GSTK1: variants seen among roughly 807,000 people sequenced by gnomAD.
GSTK1 encodes GST class-kappa.
A neutral mutation model predicts 30.9 loss-of-function variants in GSTK1; 25 were observed. The observed-to-expected ratio is 0.81, with a 90% CI of 0.59 to 1.13. GSTK1 has a LOEUF of 1.13. Among genes scored for constraint, GSTK1 ranks in the 50% most tolerant of loss-of-function variants. The probability of loss-of-function intolerance (pLI) is 0.00; values close to 1 mark genes in which losing one functional copy is unlikely to be tolerated. For missense variants in GSTK1, 292 were observed against 292.4 expected, an observed-to-expected ratio of 1.00 and a Z score of 0.01; for synonymous variants, 108 against 112.5, an observed-to-expected ratio of 0.96 and a Z score of 0.25.
intron 5 of GSTK1, among the ~76,000 whole-genome samples, chr7:143,266,483 C>G (rs2116700026): frequency 6.6e-6 from 1 of 152,042 alleles, no homozygotes; most frequent in Non-Finnish European, 1.5e-5. Context: ...AAGATAGTGT[C>G]TCATTAGGAC....
At position 143,268,103 on chromosome 7, in the gene GSTK1, C is replaced by T; in HGVS notation, c.550C>T (p.Pro184Ser). ...AACRYGAFGLPITVAHVDGQT... is the reference protein window; with the variant it reads ...AACRYGAFGLSITVAHVDGQT... ...CTGCTTTCTCCAGGCCTTTGGGCTG[C>T]CCATCACCGTGGCCCATGTGGATGG... The change falls in exon 7 of 8, where the codon CCC becomes TCC. Residue 184 changes from proline (P) to serine (S), a missense_variant. Physicochemically the swap from Pro to Ser is moderately conservative, Grantham distance 74. Coordinates refer to ENST00000358406, the MANE Select transcript of GSTK1 (RefSeq NM_015917.3). This position sits in a 1 kb window ranked among gnomAD's most constrained non-coding sequence, Gnocchi z 4.1. 1.2e-6 allele frequency: 2 copies of T among 1,613,650 alleles called. No homozygotes were observed. Among genetic ancestry groups the T allele is most frequent in the Non-Finnish European group, 1.7e-6 (2 of 1,179,714 alleles).
rs370324443 is a variant in GSTK1 at position 143,268,782 on chromosome 7, A to C, written c.632-6A>C. The stretch of plus-strand genomic sequence containing the variant: ...GTGTGCAGAGTCTGTTGTTTTCTTC[A>C]TCCAGGAGAGAAGTGGATGGGCCCT... On this transcript the variant is annotated splice_region_variant and splice_polypyrimidine_tract_variant and intron_variant, in intron 7 of 7. Transcript: ENST00000358406. The surrounding 1 kb of genome is among the most constrained non-coding windows in gnomAD (Gnocchi z 4.1). 13 of 1,613,750 alleles carry C rather than the reference A, an allele frequency of 8.1e-6. No homozygotes were observed. In the African/African-American group the frequency reaches 1.2e-4, roughly 15 times the overall value.
At chr7:143,266,971 G>A (rs1182726242) in intron 5 of GSTK1, among the ~76,000 whole-genome samples, 1 of 151,954 alleles carries the variant, frequency 6.6e-6, no homozygotes, top group African/African-American at 2.4e-5. Context: ...TAGTTCTAAG[G>A]GATGACCTCA....
At position 143,264,573 on chromosome 7, in the gene GSTK1, C is replaced by T; in HGVS notation, c.180C>T (p.Pro60=). ...DSGNKPPGLL[P]RKGLYMANDL... The stretch of plus-strand genomic sequence containing the variant: ...GAAACAAGCCTCCAGGTCTGCTTCC[C>T]CGCAAAGGACTATACATGGCAAATG... Residue 60 remains proline, a synonymous_variant, in exon 3 of 8, where the codon CCC becomes CCT. Transcript: ENST00000358406. The T allele has an allele frequency of 6.2e-7, 1 of 1,614,022 alleles. No individual in the cohort carries two copies. Among genetic ancestry groups the T allele is most frequent in the South Asian group, 1.1e-5 (1 of 91,080 alleles).
intron 3 of GSTK1, 104 bp from the exon 4 acceptor site, chr7:143,264,888 T>C (rs1800827053): frequency 1.5e-6 from 2 of 1,349,212 alleles, no homozygotes; most frequent in African/African-American, 1.4e-5. Context: ...GGTGAGAGGC[T>C]GAGGGCGGAG....
Position 143,268,796 on chromosome 7 carries a change from T to A in GSTK1, c.640T>A (p.Trp214Arg). ...TTGTTTTCTTCATCCAGGAGAGAAGTGGATGGGCCCTATACCTCCAGCCGT... is the reference window on the plus strand; with the variant it reads ...TTGTTTTCTTCATCCAGGAGAGAAGAGGATGGGCCCTATACCTCCAGCCGT... ...ELLAHLLGEK[W>R]MGPIPPAVNA... Residue 214 changes from tryptophan (W) to arginine (R), a missense_variant, in exon 8 of 8, where the codon TGG (tryptophan) becomes AGG (arginine). By Grantham distance (101) the Trp-to-Arg change is moderately radical. Transcript: ENST00000358406. The surrounding 1 kb of genome is among the most constrained non-coding windows in gnomAD (Gnocchi z 4.1). The A allele has an allele frequency of 1.2e-6, 2 of 1,613,910 alleles. No individual in the cohort carries two copies. Among genetic ancestry groups the A allele is most frequent in the South Asian group, 2.2e-5 (2 of 91,074 alleles).
Position 143,264,855 on chromosome 7 carries a change from G to A in GSTK1, c.284-137G>A, listed in dbSNP as rs906533597. On this transcript the variant is annotated intron_variant, in intron 3 of 7. Coordinates refer to ENST00000358406, the MANE Select transcript of GSTK1 (RefSeq NM_015917.3). The stretch of plus-strand genomic sequence containing the variant: ...CGGGCATGAAAGGGAAGAAGAGCAG[G>A]CAAATAGGTCATGGGAACCTTGGGT... The A allele has an allele frequency of 1.6e-5, 20 of 1,244,260 alleles. No individual in the cohort carries two copies. The South Asian group carries it at 1.9e-4, about 12-fold the overall frequency. 77.1% of individuals were successfully genotyped at this position (1,244,260 alleles called of 1,614,324 possible). A position where few individuals can be genotyped will look rare whatever the true frequency, so the allele number is the denominator to read the frequency against.
Position 143,265,256 on chromosome 7 carries a change from C to T in GSTK1, c.385-5C>T. On this transcript the variant is annotated splice_polypyrimidine_tract_variant and splice_region_variant and intron_variant, in intron 4 of 7. Coordinates refer to ENST00000358406, the MANE Select transcript of GSTK1 (RefSeq NM_015917.3). The stretch of plus-strand genomic sequence containing the variant: ...CGCCTTCCTGCTGTCTTCTCTTCTT[C>T]CCAGAATGAAGACATCACCGAGCCG... 3.7e-6 allele frequency: 6 copies of T among 1,605,566 alleles called. No individual in the cohort carries two copies. Among genetic ancestry groups the T allele is most frequent in the Non-Finnish European group, 5.1e-6 (6 of 1,176,176 alleles).
chr7:143,264,281 T>A, intron 2 of GSTK1, 114 bp downstream of exon 2: 1 of 966,704 alleles, frequency 1.0e-6, no homozygotes, highest in Non-Finnish European at 1.6e-6. Flanking sequence ...CCGTCTCTAC[T>A]AAAAATACAA....
At chr7:143,266,283 C>T (rs1453564347) in intron 5 of GSTK1, among the ~76,000 whole-genome samples, 6 of 151,928 alleles carry the variant, frequency 3.9e-5, no homozygotes, top group Non-Finnish European at 7.4e-5. Flanking sequence ...TGTCTGCCTC[C>T]ACCTCCCAAA....
chr7:143,263,764 C>G (rs1800784039), intron 1 of GSTK1, 179 bp downstream of exon 1: 2 of 625,530 alleles, frequency 3.2e-6, no homozygotes, highest in East Asian at 5.5e-5. Flanking sequence ...AATAGAGTCG[C>G]TGGCTCCAAC....
intron 5 of GSTK1, 60 bp downstream of exon 5, chr7:143,265,356 T>C (rs1210995427): frequency 6.3e-6 from 9 of 1,431,988 alleles, no homozygotes. Context: ...AGTTGGCGTT[T>C]GGGGGTAAAG....
chr7:143,265,318 C>A, intron 5 of GSTK1, 22 bp downstream of exon 5: 1 of 1,577,912 alleles, frequency 6.3e-7, no homozygotes, highest in East Asian at 2.3e-5. Context: ...GGCTCCACCC[C>A]AACTGCACTC....
intron 2 of GSTK1, 62 bp downstream of exon 2, chr7:143,264,229 G>A: frequency 1.4e-6 from 2 of 1,414,328 alleles, no homozygotes; most frequent in Non-Finnish European, 2.0e-6. Context: ...ACCCCAGCGG[G>A]TCCTTATATT....
intron 5 of GSTK1, among the ~76,000 whole-genome samples, chr7:143,266,208 T>C (rs953431074): frequency 2.6e-5 from 4 of 151,788 alleles, no homozygotes; most frequent in Non-Finnish European, 4.4e-5. Context: ...CTTTTTTATT[T>C]TTTGTAGAGA....
At chr7:143,263,992 C>A in intron 1 of GSTK1, 94 bp from the exon 2 acceptor site, 1 of 1,070,814 alleles carries the variant, frequency 9.3e-7, no homozygotes, top group South Asian at 1.3e-5. Context: ...CCGCATAACC[C>A]CTGCTCTGCA....
chr7:143,264,251 C>A, intron 2 of GSTK1, 84 bp downstream of exon 2: 1 of 1,213,458 alleles, frequency 8.2e-7, no homozygotes, highest in Non-Finnish European at 1.2e-6. Flanking sequence ...GCACTGGCAG[C>A]CAGAAAGCTG....
Position 143,267,665 on chromosome 7 carries a change from G to T in GSTK1, c.469G>T (p.Glu157Ter). The T allele has an allele frequency of 6.2e-7, 1 of 1,614,162 alleles. No individual in the cohort carries two copies. The change falls in exon 6 of 8, where the codon GAA becomes TAA. Residue 157 changes from glutamate (E) to a stop codon, truncating the protein, a stop_gained. Coordinates refer to ENST00000358406, the MANE Select transcript of GSTK1 (RefSeq NM_015917.3). LOFTEE classifies it high-confidence loss of function. ...MSAEQAQGLL[E>*]KIATPKVKNQ... is the part of the protein sequence containing the mutation. ...TGCAGAACAAGCCCAGGGACTTCTG[G>T]AAAAGATCGCAACGCCAAAGGTGAA...
rs1394479445 is a variant in GSTK1 at position 143,268,470 on chromosome 7, G to A, written c.631+286G>A. On this transcript the variant is annotated intron_variant, in intron 7 of 7. Transcript: ENST00000358406. This position sits in a 1 kb window ranked among gnomAD's most constrained non-coding sequence, Gnocchi z 4.1. ...AGCCTGGGTGACAAAGCAAGACTCC[G>A]TCTCAAAAAATAAAAAGATTCAACC... is the stretch of plus-strand genomic sequence containing the variant. Among the ~76,000 whole-genome samples, 2 of 152,038 alleles carry A rather than the reference G, an allele frequency of 1.3e-5. No homozygotes were observed. Among genetic ancestry groups the A allele is most frequent in the Non-Finnish European group, 2.9e-5 (2 of 68,016 alleles).
Sources: allele counts gnomAD v4.1 joint callset (sites outside exome capture counted in the v4.1 genomes callset), GRCh38; gene constraint gnomAD v4.1.1; non-coding constraint Gnocchi (gnomAD v3.1); transcripts MANE v1.5; gene names NCBI Gene and HGNC (gene_info 2026-07-23, HGNC 2026-07-21).